The following MSANTD3 variants were observed in gnomAD, a reference collection of about 807,000 sequenced individuals.
MSANTD3 encodes the protein Myb/SANT DNA binding domain containing 3.
A neutral mutation model predicts 27.7 loss-of-function variants in MSANTD3; 11 were observed. The observed-to-expected ratio is 0.40, with a 90% CI of 0.25 to 0.66. The LOEUF is 0.66. Among genes scored for constraint, MSANTD3 ranks in the 30% least tolerant of loss-of-function variants. MSANTD3 has a pLI of 0.41. For missense variants in MSANTD3, 250 were observed against 336.5 expected (o/e 0.74, Z 2.01); for synonymous variants, 131 against 127.2 (o/e 1.03, Z -0.20).
rs1262244420 is a variant in MSANTD3, at chr9:100,442,502, A to G, written c.418+146A>G. The G allele has an allele frequency of 1.3e-5, 17 of 1,343,072 alleles. 1 individual carries two copies. Among genetic ancestry groups the G allele is most frequent in the African/African-American group, 8.8e-5 (6 of 67,904 alleles). The allele number at this position is 1,343,072 out of a possible 1,614,324, so 83.2% of individuals were successfully genotyped here. ...TCCTAATTCAAGATCTCAGGATTAT[A>G]TAGGACATTCAAAGTCTTATAGAAG... On this transcript the variant is annotated intron_variant, in intron 2 of 2. Transcript: ENST00000395067.
At chr9:100,435,256 C>T (rs918331822) in intron 1 of MSANTD3, among the ~76,000 whole-genome samples, 2 of 152,148 alleles carry the variant, frequency 1.3e-5, no homozygotes, top group African/African-American at 4.8e-5. Context: ...TTTTCTGCAT[C>T]CAGTGTCTTG....
At chr9:100,443,227 C>T (rs1190664998) in intron 2 of MSANTD3, among the ~76,000 whole-genome samples, 1 of 151,728 alleles carries the variant, frequency 6.6e-6, no homozygotes, top group Non-Finnish European at 1.5e-5. Flanking sequence ...TGGAGAAACC[C>T]CGTCTCTACT....
chr9:100,433,563 A>G (rs903836753), intron 1 of MSANTD3, among the ~76,000 whole-genome samples: 1 of 152,032 alleles, frequency 6.6e-6, no homozygotes, highest in Non-Finnish European at 1.5e-5. Context: ...TTTTATAGCA[A>G]TGGAGTTCTC....
intron 1 of MSANTD3, among the ~76,000 whole-genome samples, chr9:100,433,338 G>T (rs1836411770): frequency 6.6e-6 from 1 of 152,070 alleles, no homozygotes; most frequent in Non-Finnish European, 1.5e-5. Flanking sequence ...GAGGCCATGG[G>T]TCCAAGCCCA....
At chr9:100,442,808 CAAAAAAAAAA>C (rs59051169) in intron 2 of MSANTD3, among the ~76,000 whole-genome samples, 3 of 55,886 alleles carry the variant, frequency 5.4e-5, no homozygotes, top group Non-Finnish European at 1.2e-4. Context: ...GACCCTGTCT[CAAAAAAAAAA>C]AAAAAAAAAA....
chr9:100,435,688 A>G (rs1836464919), intron 1 of MSANTD3, among the ~76,000 whole-genome samples: 1 of 152,102 alleles, frequency 6.6e-6, no homozygotes, highest in Non-Finnish European at 1.5e-5. Flanking sequence ...GTGTTCTTAC[A>G]TGACCTCCTC....
chr9:100,427,214 C>G lies in MSANTD3; in HGVS notation c.-213C>G, dbSNP rs1489355130. On this transcript the variant is annotated 5_prime_UTR_variant, in exon 1 of 3. Transcript: ENST00000395067. ...GGCGGCGGCGTCCGGGCTTTGTGGC[C>G]GCGGCGCGCGCGGCGGGGCCTGGCC... The G allele has an allele frequency of 1.4e-5, 2 of 145,658 alleles. No individual in the cohort carries two copies. Among genetic ancestry groups the G allele is most frequent in the Non-Finnish European group, 3.0e-5 (2 of 65,642 alleles). The allele number at this position is 145,658 out of a possible 1,614,324, so 9.0% of individuals were successfully genotyped here.
rs1037897777 is a variant in MSANTD3, at chr9:100,451,157, T to C, written c.*191T>C. Reference sequence around the variant, plus strand: ...CCCTTAAGTGGCAAAGAAGCTGTTATAGTCTTCTGAAAATTATCACTATGA... The same window carrying C: ...CCCTTAAGTGGCAAAGAAGCTGTTACAGTCTTCTGAAAATTATCACTATGA... On this transcript the variant is annotated 3_prime_UTR_variant, in exon 3 of 3. Coordinates refer to ENST00000395067, the MANE Select transcript of MSANTD3 (RefSeq NM_080655.3). 10 of 539,322 alleles carry C rather than the reference T, an allele frequency of 1.9e-5. No homozygotes were observed. Among genetic ancestry groups the C allele is most frequent in the Admixed American group, 7.4e-5 (2 of 27,042 alleles). 33.4% of individuals were successfully genotyped at this position (539,322 alleles called of 1,614,324 possible).
Position 100,434,765 on chromosome 9 carries a change from G to T in MSANTD3, c.-33-7141G>T, listed in dbSNP as rs528825399. ...TCAAGGTGCTTTGTCCTCTCTTCTGGTGTCTGTTTCAGCGTGCCTCTCATT... is the reference window on the plus strand; with the variant it reads ...TCAAGGTGCTTTGTCCTCTCTTCTGTTGTCTGTTTCAGCGTGCCTCTCATT... On this transcript the variant is annotated intron_variant, in intron 1 of 2. Transcript: ENST00000395067. 3.9e-5 allele frequency among the ~76,000 whole-genome samples: 6 copies of T among 152,120 alleles called. No individual in the cohort carries two copies. The South Asian group carries it at 1.2e-3, about 32-fold the overall frequency.
intron 2 of MSANTD3, chr9:100,448,184 C>T (rs1352907055): frequency 5.5e-6 from 5 of 903,642 alleles, no homozygotes; most frequent in Non-Finnish European, 6.4e-6. Context: ...GAATGAGACC[C>T]CATCTCAAAA....
chr9:100,436,396 T>C (rs1836478322), intron 1 of MSANTD3, among the ~76,000 whole-genome samples: 1 of 152,224 alleles, frequency 6.6e-6, no homozygotes, highest in African/African-American at 2.4e-5. Flanking sequence ...AATATCTGCA[T>C]TTATGAAATG....
At chr9:100,434,817 G>A (rs1015028244) in intron 1 of MSANTD3, among the ~76,000 whole-genome samples, 1 of 152,076 alleles carries the variant, frequency 6.6e-6, no homozygotes, top group African/African-American at 2.4e-5. Context: ...GCATGTCAGC[G>A]CTCTTTCTAG....
In MSANTD3 at chr9:100,450,946, C is replaced by G. The variant is rs761080426; in HGVS notation, c.808C>G (p.Pro270Ala). The stretch of plus-strand genomic sequence containing the variant: ...ATGGCCTGTTTCCTCATTTAACCGG[C>G]CCTTTCCCAATTCGCCCTAAGACTT... Reference protein sequence around the residue: ...KEWPVSSFNRPFPNSP With the variant: ...KEWPVSSFNRAFPNSP Residue 270 changes from proline (P) to alanine (A), a missense_variant, in exon 3 of 3, where the codon CCC becomes GCC. Transcript: ENST00000395067. The G allele has an allele frequency of 1.3e-6, 2 of 1,593,804 alleles. No homozygotes were observed. The highest frequency in any genetic ancestry group is 1.4e-5 in the African/African-American group (1 of 73,890).
intron 2 of MSANTD3, chr9:100,445,375 A>G (rs1836730399): frequency 1.8e-6 from 1 of 570,356 alleles, no homozygotes; most frequent in South Asian, 2.8e-5. Context: ...GCTCATAGGC[A>G]CTTGAAATGT....
rs1253919999 is a variant in MSANTD3, at chr9:100,442,113, C to T, written c.175C>T (p.Gln59Ter). ...GGCGCTGGCCCACGAATACAACTCT[C>T]AGCCCAGCGTGTCCCTGCGGGATTT... Reference protein sequence around the residue: ...WQALAHEYNSQPSVSLRDFKQ... With the variant: ...WQALAHEYNS Residue 59 changes from glutamine to a stop codon, truncating the protein, a stop_gained, in exon 2 of 3, where the codon CAG becomes TAG. Coordinates refer to ENST00000395067, the MANE Select transcript of MSANTD3 (RefSeq NM_080655.3). LOFTEE classifies it high-confidence loss of function. 6.2e-7 allele frequency: 1 copy of T among 1,614,114 alleles called. No homozygotes were observed. The highest frequency in any genetic ancestry group is 8.5e-7 in the Non-Finnish European group (1 of 1,180,054).
intron 2 of MSANTD3, chr9:100,444,781 T>G (rs1836713366): frequency 6.3e-6 from 1 of 158,366 alleles, no homozygotes; most frequent in Non-Finnish European, 1.4e-5. Flanking sequence ...GTTTTTTCTC[T>G]TTCTCTTTGG....
chr9:100,430,692 G>T (rs1836355377), intron 1 of MSANTD3, among the ~76,000 whole-genome samples: 1 of 152,198 alleles, frequency 6.6e-6, no homozygotes, highest in Admixed American at 6.5e-5. Flanking sequence ...GAATGGGAGA[G>T]GAGGGAACAG....
chr9:100,431,781 A>G (rs1836382706), intron 1 of MSANTD3, among the ~76,000 whole-genome samples: 1 of 152,122 alleles, frequency 6.6e-6, no homozygotes, highest in Non-Finnish European at 1.5e-5. Flanking sequence ...AATACTTGGT[A>G]CCCTTGTCCT....
intron 1 of MSANTD3, among the ~76,000 whole-genome samples, chr9:100,431,288 C>T (rs1189284318): frequency 6.6e-6 from 1 of 150,816 alleles, no homozygotes; most frequent in Non-Finnish European, 1.5e-5. Flanking sequence ...AGGCGTGAGC[C>T]ACCATGCCTA....
Sources: allele counts gnomAD v4.1 joint callset (sites outside exome capture counted in the v4.1 genomes callset), GRCh38; gene constraint gnomAD v4.1.1; transcripts MANE v1.5; gene names NCBI Gene and HGNC (gene_info 2026-07-23, HGNC 2026-07-21).